Variants in GDAP2 observed in about 807,000 individuals in gnomAD.
The protein encoded by GDAP2 is ganglioside-induced differentiation-associated protein 2.
In GDAP2, 51 loss-of-function variants were observed where a neutral mutation model predicts 67.0. The ratio of observed to expected loss-of-function variants is 0.76; its 90% CI spans 0.61 to 0.96. GDAP2 has a LOEUF of 0.96. Ranked by LOEUF, GDAP2 falls within the 40% of genes least tolerant of loss-of-function variation. The pLI, the probability that GDAP2 is intolerant of heterozygous loss-of-function variation, is 0.00. For missense variants in GDAP2, 547 were observed against 588.3 expected, an observed-to-expected ratio of 0.93 and a Z score of 0.73; for synonymous variants, 203 against 207.3, an observed-to-expected ratio of 0.98 and a Z score of 0.18.
intron 3 of GDAP2, among the ~76,000 whole-genome samples, chr1:117,916,533 A>C (rs1650050913): frequency 6.6e-6 from 1 of 152,236 alleles, no homozygotes; most frequent in Admixed American, 6.5e-5. Context: ...CAATGGATTT[A>C]AGAAACGAAG....
At chr1:117,912,783 A>C (rs1418313265) in intron 3 of GDAP2, 100 bp from the exon 4 acceptor site, 3 of 1,022,676 alleles carry the variant, frequency 2.9e-6, no homozygotes, top group Admixed American at 2.1e-5. Context: ...GAACTTTGAG[A>C]AATTTCAGTT....
At chr1:117,914,319 C>T (rs2101158131) in intron 3 of GDAP2, among the ~76,000 whole-genome samples, 2 of 152,230 alleles carry the variant, frequency 1.3e-5, no homozygotes, top group South Asian at 4.2e-4. Flanking sequence ...ACTTATGTAA[C>T]TGCTATAGCC....
chr1:117,915,394 T>C (rs1303110891), intron 3 of GDAP2, among the ~76,000 whole-genome samples: 1 of 152,026 alleles, frequency 6.6e-6, no homozygotes, highest in African/African-American at 2.4e-5. Context: ...CAGAGACAAA[T>C]TAATAAACAT....
At chr1:117,880,229 TGAGAAGCAGCAGCTA>T (rs1160253120) in intron 12 of GDAP2, among the ~76,000 whole-genome samples, 1 of 151,928 alleles carries the variant, frequency 6.6e-6, no homozygotes, top group African/African-American at 2.4e-5. Context: ...CAAATGAGAC[TGAGAAGCAGCAGCTA>T]GAAGTAGGAG....
intron 13 of GDAP2, among the ~76,000 whole-genome samples, chr1:117,871,357 T>TGATA (rs1387087548): frequency 6.6e-6 from 1 of 152,224 alleles, no homozygotes; most frequent in Non-Finnish European, 1.5e-5. Flanking sequence ...GTTAAGTTTA[T>TGATA]GATAGAAGGA....
At chr1:117,903,992 C>CTT (rs566923850) in intron 6 of GDAP2, among the ~76,000 whole-genome samples, 1 of 142,002 alleles carries the variant, frequency 7.0e-6, no homozygotes, top group Non-Finnish European at 1.6e-5. Context: ...ATTTTTTTTT[C>CTT]TTTTTTTTTT....
chr1:117,924,241 CA>C (rs1338735854), intron 1 of GDAP2, among the ~76,000 whole-genome samples: 1 of 152,182 alleles, frequency 6.6e-6, no homozygotes, highest in Non-Finnish European at 1.5e-5. Context: ...CAGTAATAAG[CA>C]TAGTACCTGA....
intron 1 of GDAP2, among the ~76,000 whole-genome samples, chr1:117,922,709 A>T (rs765027623): frequency 6.6e-6 from 1 of 152,340 alleles, no homozygotes; most frequent in South Asian, 2.1e-4. Flanking sequence ...GGTCACAGAG[A>T]TCACATGCTT....
chr1:117,882,621 C>G (rs1421504058), intron 11 of GDAP2, among the ~76,000 whole-genome samples: 1 of 152,132 alleles, frequency 6.6e-6, no homozygotes, highest in Non-Finnish European at 1.5e-5. Context: ...ACAGTTGAGG[C>G]CTGTTCCACG....
intron 8 of GDAP2, among the ~76,000 whole-genome samples, chr1:117,891,732 T>C (rs1641852668): frequency 6.6e-6 from 1 of 152,138 alleles, no homozygotes; most frequent in African/African-American, 2.4e-5. Context: ...GTTCTTAATT[T>C]TAATATAGTC....
rs1481099243 is a variant in GDAP2, at chr1:117,912,517, G to A, written c.470+13C>T. 6.2e-7 allele frequency: 1 copy of A among 1,608,496 alleles called. No individual in the cohort carries two copies. The highest frequency in any genetic ancestry group is 8.5e-7 in the Non-Finnish European group (1 of 1,175,906). ...GTATGATATGCTATGTCCAGAAAAT[G>A]AGTAGACCATACTTTGCTAGTTGAA... is the stretch of plus-strand genomic sequence containing the variant. On this transcript the variant is annotated intron_variant, in intron 4 of 13. Coordinates refer to ENST00000369443, the MANE Select transcript of GDAP2 (RefSeq NM_017686.4).
chr1:117,896,826 G>C lies in GDAP2; in HGVS notation c.953+7C>G, dbSNP rs1192298445. 6.2e-7 allele frequency: 1 copy of C among 1,605,420 alleles called. No homozygotes were observed. The highest frequency in any genetic ancestry group is 1.7e-5 in the Admixed American group (1 of 59,090). ...ATGTATCTAACAGTCCTGAAGGGTT[G>C]TCTTACTTTCTTTGATGCTGCTTCT... On this transcript the variant is annotated splice_region_variant and intron_variant, in intron 8 of 13. Transcript: ENST00000369443.
At chr1:117,884,839 T>TGTGTGC (rs1414269934) in intron 10 of GDAP2, among the ~76,000 whole-genome samples, 3 of 151,914 alleles carry the variant, frequency 2.0e-5, no homozygotes, top group Admixed American at 1.3e-4. Context: ...TGTGTGTGTG[T>TGTGTGC]GTGTGTTCTG....
rs1178318988 is a variant in GDAP2 at position 117,865,093 on chromosome 1, A to G, written c.*5476T>C. 6.6e-6 allele frequency: 1 copy of G among 152,226 alleles called. No individual in the cohort carries two copies. Among genetic ancestry groups the G allele is most frequent in the Non-Finnish European group, 1.5e-5 (1 of 68,034 alleles). 9.4% of individuals were successfully genotyped at this position (152,226 alleles called of 1,614,324 possible). On this transcript the variant is annotated 3_prime_UTR_variant, in exon 14 of 14. Transcript: ENST00000369443. ...ACTATTGAATCTGAATCTCCATTTA[A>G]TAATATCCTCAGCTGATTTGATACA...
intron 6 of GDAP2, among the ~76,000 whole-genome samples, chr1:117,902,254 C>T (rs1389403300): frequency 6.6e-6 from 1 of 152,184 alleles, no homozygotes; most frequent in Non-Finnish European, 1.5e-5. Flanking sequence ...CATGTCTGTT[C>T]AAAACTTTTG....
chr1:117,877,301 A>G, intron 13 of GDAP2: 1 of 962,628 alleles, frequency 1.0e-6, no homozygotes, highest in Non-Finnish European at 1.2e-6. Context: ...AACTTAATAT[A>G]ACTTTCAAAT....
intron 4 of GDAP2, 40 bp from the exon 5 acceptor site, chr1:117,912,122 T>C (rs764017296): frequency 7.2e-6 from 8 of 1,106,296 alleles, no homozygotes; most frequent in Non-Finnish European, 1.1e-5. Context: ...ACTAGAAATA[T>C]CAGTAATACA....
At chr1:117,927,459 C>G (rs1650490537) in intron 1 of GDAP2, among the ~76,000 whole-genome samples, 1 of 152,098 alleles carries the variant, frequency 6.6e-6, no homozygotes, top group South Asian at 2.1e-4. Flanking sequence ...TTTCAAAATG[C>G]TTACATTGAT....
chr1:117,925,663 T>C (rs941830097), intron 1 of GDAP2, among the ~76,000 whole-genome samples: 2 of 152,176 alleles, frequency 1.3e-5, no homozygotes, highest in Non-Finnish European at 2.9e-5. Flanking sequence ...ATGTGAGAAT[T>C]TGGACTCTGT....
Sources: allele counts gnomAD v4.1 joint callset (sites outside exome capture counted in the v4.1 genomes callset), GRCh38; gene constraint gnomAD v4.1.1; transcripts MANE v1.5; gene names NCBI Gene and HGNC (gene_info 2026-07-23, HGNC 2026-07-21).